The following HDAC9 variants were observed in gnomAD, a reference collection of about 807,000 sequenced individuals.
The protein encoded by HDAC9 is histone deacetylase 9, also known as MEF-2 interacting transcription repressor (MITR) protein.
Under a neutral mutation model 139.4 loss-of-function variants are expected in HDAC9, and 41 were observed. The ratio of observed to expected loss-of-function variants is 0.29; its 90% CI spans 0.23 to 0.38. The LOEUF is 0.38. Ranked by LOEUF, HDAC9 falls within the 10% of genes least tolerant of loss-of-function variation. The probability of loss-of-function intolerance (pLI) is 1.00; values close to 1 mark genes in which losing one functional copy is unlikely to be tolerated. For synonymous variants in HDAC9, 517 were observed against 476.2 expected (o/e 1.09, Z -1.12); for missense variants, 1,147 against 1,297.0 (o/e 0.88, Z 1.78).
chr7:18,525,379 T>C (rs1806498033), intron 2 of HDAC9, among the ~76,000 whole-genome samples: 1 of 152,188 alleles, frequency 6.6e-6, no homozygotes, highest in Non-Finnish European at 1.5e-5. Flanking sequence ...TGTCCTTTTC[T>C]ACTTGAAATT....
At chr7:18,501,693 C>T (rs550050457) in intron 2 of HDAC9, among the ~76,000 whole-genome samples, 8 of 152,092 alleles carry the variant, frequency 5.3e-5, no homozygotes, top group Admixed American at 1.3e-4. Flanking sequence ...AGGAAAGATG[C>T]TGTGCTGTGT....
At chr7:18,521,755 G>A (rs138663142) in intron 2 of HDAC9, among the ~76,000 whole-genome samples, 7 of 152,160 alleles carry the variant, frequency 4.6e-5, no homozygotes, top group Admixed American at 6.6e-5. Context: ...AATTTGAAGT[G>A]AACCTATATT....
intron 1 of HDAC9, among the ~76,000 whole-genome samples, chr7:18,154,332 T>G (rs1787010283): frequency 6.6e-6 from 1 of 152,118 alleles, no homozygotes; most frequent in East Asian, 1.9e-4. Context: ...AAAAAAAGCT[T>G]TAGTAATTAG....
At chr7:18,984,707 T>TG (rs1191855925) in intron 25 of HDAC9, among the ~76,000 whole-genome samples, 2 of 152,138 alleles carry the variant, frequency 1.3e-5, no homozygotes, top group Non-Finnish European at 2.9e-5. Context: ...ATAGTCTGGA[T>TG]GATAATGCCA....
At chr7:18,265,156 A>G (rs1482396861) in intron 2 of HDAC9, among the ~76,000 whole-genome samples, 1 of 152,192 alleles carries the variant, frequency 6.6e-6, no homozygotes, top group Non-Finnish European at 1.5e-5. Context: ...ATATTAAATG[A>G]TGAAAAAATA....
chr7:18,854,166 T>C (rs182925353), intron 21 of HDAC9, among the ~76,000 whole-genome samples: 35 of 152,316 alleles, frequency 2.3e-4, no homozygotes, highest in African/African-American at 7.7e-4. Context: ...ACCAGAAATG[T>C]ACCAGAAATT....
At chr7:18,431,015 TTGTCCTGTCCTGTCC>T (rs10587067) in intron 1 of HDAC9, among the ~76,000 whole-genome samples, 2,198 of 148,284 alleles carry the variant, frequency 0.015, 37 homozygotes, top group African/African-American at 0.026. Flanking sequence ...TTATCCTATC[TTGTCCTGTCCTGTCC>T]TGTCCTGTCC....
chr7:18,956,761 G>C (rs1000301897), intron 24 of HDAC9, among the ~76,000 whole-genome samples: 2 of 152,056 alleles, frequency 1.3e-5, no homozygotes, highest in Non-Finnish European at 2.9e-5. Flanking sequence ...TTAGTCTAAG[G>C]CAGTCAACCC....
At chr7:18,238,234 G>A (rs899591887) in intron 2 of HDAC9, among the ~76,000 whole-genome samples, 2 of 152,200 alleles carry the variant, frequency 1.3e-5, no homozygotes, top group African/African-American at 4.8e-5. Flanking sequence ...TTTATAATTT[G>A]CAAGGCATTT....
intron 1 of HDAC9, among the ~76,000 whole-genome samples, chr7:18,124,707 A>G (rs1784547975): frequency 6.6e-6 from 1 of 152,068 alleles, no homozygotes; most frequent in Non-Finnish European, 1.5e-5. Flanking sequence ...TATTTATTTA[A>G]GAATCCAAGA....
At chr7:18,984,523 C>T (rs980135005) in intron 25 of HDAC9, among the ~76,000 whole-genome samples, 3 of 151,904 alleles carry the variant, frequency 2.0e-5, no homozygotes, top group Admixed American at 6.6e-5. Flanking sequence ...GGCCAGCATA[C>T]TACTAAAGGG....
intron 21 of HDAC9, among the ~76,000 whole-genome samples, chr7:18,847,477 T>C (rs2129220902): frequency 6.6e-6 from 1 of 152,290 alleles, no homozygotes; most frequent in African/African-American, 2.4e-5. Context: ...GGTTGGATTC[T>C]GTAATAAGGA....
At chr7:18,761,594 C>T (rs932496257) in intron 14 of HDAC9, among the ~76,000 whole-genome samples, 1 of 152,076 alleles carries the variant, frequency 6.6e-6, no homozygotes, top group Admixed American at 6.5e-5. Flanking sequence ...CACTACAGAC[C>T]ATTAATAAAC....
intron 1 of HDAC9, among the ~76,000 whole-genome samples, chr7:18,439,184 G>C (rs542000982): frequency 6.6e-6 from 1 of 152,228 alleles, no homozygotes; most frequent in South Asian, 2.1e-4. Context: ...AAATGAAAAG[G>C]TTGCCACATG....
intron 2 of HDAC9, among the ~76,000 whole-genome samples, chr7:18,222,076 T>A (rs1792744066): frequency 6.6e-6 from 1 of 152,176 alleles, no homozygotes; most frequent in Non-Finnish European, 1.5e-5. Context: ...CAAAGGTAAC[T>A]TTCTCCTTTT....
intron 2 of HDAC9, among the ~76,000 whole-genome samples, chr7:18,199,836 G>A (rs1273039623): frequency 6.6e-6 from 1 of 151,562 alleles, no homozygotes; most frequent in Non-Finnish European, 1.5e-5. Context: ...TGAGATGGGA[G>A]CGAGGATTGC....
Position 18,943,219 on chromosome 7 carries a change from A to T in HDAC9, c.2937+7277A>T, listed in dbSNP as rs1375160736. ...TACAGCCCTGAACGAACTTCCCTTC[A>T]ATGTTGTTAGAACTTTAGTTTGACA... On this transcript the variant is annotated intron_variant, in intron 23 of 25. Transcript: ENST00000686413. 2.0e-5 allele frequency among the ~76,000 whole-genome samples: 3 copies of T among 152,052 alleles called. No individual in the cohort carries two copies. The East Asian group carries it at 5.8e-4, about 29-fold the overall frequency.
chr7:18,320,278 G>C (rs970839829), intron 1 of HDAC9, among the ~76,000 whole-genome samples: 1 of 152,136 alleles, frequency 6.6e-6, no homozygotes, highest in Non-Finnish European at 1.5e-5. Context: ...GTACTCTGTG[G>C]TTGATTTCTC....
intron 1 of HDAC9, among the ~76,000 whole-genome samples, chr7:18,096,868 G>A (rs1265558355): frequency 6.7e-6 from 1 of 149,726 alleles, no homozygotes; most frequent in Non-Finnish European, 1.5e-5. Context: ...TGAAAGAATG[G>A]ATGACTTGTT....
Sources: allele counts gnomAD v4.1 joint callset (sites outside exome capture counted in the v4.1 genomes callset), GRCh38; gene constraint gnomAD v4.1.1; transcripts MANE v1.5; gene names NCBI Gene and HGNC (gene_info 2026-07-23, HGNC 2026-07-21).